Variants in MTRF1L observed in about 807,000 individuals in gnomAD.
MTRF1L encodes mitochondrial translation release factor 1 like, also known as peptide chain release factor 1-like, mitochondrial.
In MTRF1L, 29 loss-of-function variants were observed where a neutral mutation model predicts 40.0. The observed-to-expected ratio is 0.73, with a 90% CI of 0.54 to 0.99. The LOEUF (loss-of-function observed/expected upper bound fraction) is 0.99, where lower values mean the gene tolerates loss of function less well. MTRF1L is among the 50% of genes least tolerant of loss of function. The pLI is 0.00. For missense variants in MTRF1L, 412 were observed against 464.5 expected (o/e 0.89, Z 1.04); for synonymous variants, 150 against 175.8 (o/e 0.85, Z 1.16).
chr6:152,995,217 C>G lies in MTRF1L; in HGVS notation c.442G>C (p.Glu148Gln), dbSNP rs3950124. 1.2e-6 allele frequency: 2 copies of G among 1,609,350 alleles called. No individual in the cohort carries two copies. Among genetic ancestry groups the G allele is most frequent in the Non-Finnish European group, 1.7e-6 (2 of 1,177,208 alleles). ...GGQEAMLFTSEIFDMYQQYAA... is the reference protein window; with the variant it reads ...GGQEAMLFTSQIFDMYQQYAA... ...TATTGCTGATACATATCAAATATCT[C>G]TGATGTAAACAACATTGCCTCCTGA... Residue 148 changes from glutamate to glutamine, a missense_variant, in exon 3 of 7, where the codon GAG becomes CAG. Glu to Gln is a conservative substitution (Grantham distance 29, BLOSUM62 2). Transcript: ENST00000367233.
chr6:152,994,871 T>C (rs913458793), intron 3 of MTRF1L, 195 bp from the exon 4 acceptor site: 11 of 786,822 alleles, frequency 1.4e-5, no homozygotes, highest in Non-Finnish European at 2.0e-5. Flanking sequence ...AAAGCATTTA[T>C]GGGGCTAATC....
intron 5 of MTRF1L, among the ~76,000 whole-genome samples, chr6:152,992,197 A>G (rs992888597): frequency 3.9e-5 from 6 of 152,198 alleles, no homozygotes; most frequent in Admixed American, 2.0e-4. Context: ...AGTCACAGTA[A>G]GAGATTCTTG....
At chr6:152,991,541 C>T (rs1778517471) in intron 5 of MTRF1L, 2 of 381,246 alleles carry the variant, frequency 5.2e-6, no homozygotes, top group South Asian at 6.9e-5. Flanking sequence ...AGCACAAAGT[C>T]TTTCTTTCTT....
At chr6:152,991,383 G>A in intron 5 of MTRF1L, 62 bp from the exon 6 acceptor site, 1 of 1,460,736 alleles carries the variant, frequency 6.8e-7, no homozygotes, top group Non-Finnish European at 9.1e-7. Flanking sequence ...TTATTATCAA[G>A]GAATACTTTT....
chr6:152,991,107 A>C (rs975877149), intron 6 of MTRF1L, 78 bp downstream of exon 6: 17 of 947,694 alleles, frequency 1.8e-5, no homozygotes, highest in South Asian at 1.6e-4. Flanking sequence ...ATATATAAAA[A>C]CCAAGTTATT....
In MTRF1L at chr6:153,002,640, G is replaced by C. The variant is rs1262417767; in HGVS notation, c.46C>G (p.Arg16Gly). The C allele has an allele frequency of 6.6e-7, 1 of 1,523,188 alleles. No homozygotes were observed. Among genetic ancestry groups the C allele is most frequent in the Non-Finnish European group, 8.8e-7 (1 of 1,137,530 alleles). 94.4% of individuals were successfully genotyped at this position (1,523,188 alleles called of 1,614,324 possible). ...CGGCGGGCTGGGCCAACGGCCCGGC[G>C]GGGCCAGAGCCACCGGGCAGCGCCC... ...LWGAARWLWPRRAVGPARRPL... is the reference protein window; with the variant it reads ...LWGAARWLWPGRAVGPARRPL... The change falls in exon 1 of 7, where the codon CGC becomes GGC. Residue 16 changes from arginine (R) to glycine (G), a missense_variant. By Grantham distance (125) the Arg-to-Gly change is moderately radical. Coordinates refer to ENST00000367233, the MANE Select transcript of MTRF1L (RefSeq NM_019041.7).
At chr6:152,995,600 T>C (rs1269609099) in intron 2 of MTRF1L, among the ~76,000 whole-genome samples, 1 of 152,154 alleles carries the variant, frequency 6.6e-6, no homozygotes. Context: ...TTGTATCAGT[T>C]CTCTCTTCAG....
At chr6:152,998,894 T>C (rs1286691804) in intron 1 of MTRF1L, among the ~76,000 whole-genome samples, 1 of 152,154 alleles carries the variant, frequency 6.6e-6, no homozygotes, top group Admixed American at 6.5e-5. Context: ...TATAAAAATA[T>C]AAAGAAGCTA....
Position 152,992,882 on chromosome 6 carries a change from A to T in MTRF1L, c.780T>A (p.Ala260=), listed in dbSNP as rs770192135. The change falls in exon 5 of 7, where the codon GCT becomes GCA. Residue 260 remains alanine, a synonymous_variant. Transcript: ENST00000367233. ...CTGTTGGAAGATGAACTATCCGGACAGCACTGTCCGTGGTATTTACATGCT... is the reference window on the plus strand; with the variant it reads ...CTGTTGGAAGATGAACTATCCGGACTGCACTGTCCGTGGTATTTACATGCT... The part of the protein sequence containing the change: ...GGQHVNTTDS[A]VRIVHLPTGV... 3 of 1,612,192 alleles carry T rather than the reference A, an allele frequency of 1.9e-6. No homozygotes were observed. Among genetic ancestry groups the T allele is most frequent in the Non-Finnish European group, 2.5e-6 (3 of 1,179,940 alleles).
At position 152,991,240 on chromosome 6, in the gene MTRF1L, TAC is replaced by T. The variant is rs1414818771; in HGVS notation, c.885_886del (p.Tyr296GlnfsTer10). Reference sequence around the variant, plus strand: ...TATTTCTTCTTCTAGATGCATGCTGTACAGTTTTGCACGTAACTTTGTCATAG... The same window carrying T: ...TATTTCTTCTTCTAGATGCATGCTGTAGTTTTGCACGTAACTTTGTCATAG... On this transcript the variant is annotated frameshift_variant, in exon 6 of 7. Coordinates refer to ENST00000367233, the MANE Select transcript of MTRF1L (RefSeq NM_019041.7). LOFTEE classifies it high-confidence loss of function. 8 of 1,595,726 alleles carry T rather than the reference TAC, an allele frequency of 5.0e-6. No individual in the cohort carries two copies. The highest frequency in any genetic ancestry group is 1.3e-5 in the African/African-American group (1 of 74,196).
chr6:152,998,804 A>G (rs770109985), intron 1 of MTRF1L, 175 bp from the exon 2 acceptor site: 19 of 379,072 alleles, frequency 5.0e-5, no homozygotes, highest in South Asian at 7.4e-5. Context: ...CTTTCAATCA[A>G]TTTCACCATT....
chr6:152,993,393 A>C (rs1453033844), intron 4 of MTRF1L, among the ~76,000 whole-genome samples: 1 of 148,328 alleles, frequency 6.7e-6, no homozygotes, highest in Non-Finnish European at 1.5e-5. Flanking sequence ...GTTTTGTTTT[A>C]TTTCAAACAT....
At position 153,002,417 on chromosome 6, in the gene MTRF1L, C is replaced by T; in HGVS notation, c.259+10G>A. ...TGCTCTGACGCCTCTCCCCCGGGCC[C>T]GACCCTTACCGTGCAGCAAGTGCTC... On this transcript the variant is annotated intron_variant, in intron 1 of 6. Coordinates refer to ENST00000367233, the MANE Select transcript of MTRF1L (RefSeq NM_019041.7). 5 of 1,613,958 alleles carry T rather than the reference C, an allele frequency of 3.1e-6. No homozygotes were observed. The highest frequency in any genetic ancestry group is 4.2e-6 in the Non-Finnish European group (5 of 1,179,868).
chr6:152,992,770 A>G (rs1452123896), intron 5 of MTRF1L, 87 bp downstream of exon 5: 25 of 952,122 alleles, frequency 2.6e-5, no homozygotes, highest in Non-Finnish European at 4.0e-5. Context: ...TTCTCTGGTA[A>G]CCGAGGATCT....
chr6:152,991,170 A>C lies in MTRF1L; in HGVS notation c.942+15T>G. 1 of 1,459,108 alleles carries C rather than the reference A, an allele frequency of 6.9e-7. No homozygotes were observed. The highest frequency in any genetic ancestry group is 9.2e-7 in the Non-Finnish European group (1 of 1,091,860). The allele number at this position is 1,459,108 out of a possible 1,614,324, so 90.4% of individuals were successfully genotyped here. On this transcript the variant is annotated intron_variant, in intron 6 of 6. Transcript: ENST00000367233. ...TTTCTATCCTTTAAAAGCATTTTTAAAATTCTTTTTTTACCTGAATTTTTC... is the reference window on the plus strand; with the variant it reads ...TTTCTATCCTTTAAAAGCATTTTTACAATTCTTTTTTTACCTGAATTTTTC...
At chr6:152,991,017 C>G (rs984703996) in intron 6 of MTRF1L, among the ~76,000 whole-genome samples, 168 bp downstream of exon 6, 1 of 152,122 alleles carries the variant, frequency 6.6e-6, no homozygotes, top group South Asian at 2.1e-4. Context: ...ATATAGAAAA[C>G]AGGGCAGAGA....
rs1778677443 is a variant in MTRF1L, at chr6:152,995,279, T to C, written c.380A>G (p.Asn127Ser). The C allele has an allele frequency of 6.2e-7, 1 of 1,602,534 alleles. No individual in the cohort carries two copies. The highest frequency in any genetic ancestry group is 8.5e-7 in the Non-Finnish European group (1 of 1,175,248). ...LLVPSEETDE[N>S]DLILEVTAGV... The stretch of plus-strand genomic sequence containing the variant: ...TGCAGTTACTTCCAGGATCAAATCA[T>C]TTTCATCTGTTTCTTCTGAGGGAAC... Residue 127 changes from asparagine to serine, a missense_variant, in exon 3 of 7, where the codon AAT becomes AGT. Physicochemically the swap from Asn to Ser is conservative, Grantham distance 46 (BLOSUM62 1). Coordinates refer to ENST00000367233, the MANE Select transcript of MTRF1L (RefSeq NM_019041.7).
intron 1 of MTRF1L, among the ~76,000 whole-genome samples, chr6:153,000,472 C>T (rs1778872870): frequency 6.6e-6 from 1 of 152,180 alleles, no homozygotes; most frequent in Non-Finnish European, 1.5e-5. Context: ...TTAGGAGTTA[C>T]TCACAGGCAA....
In MTRF1L at chr6:152,998,547, T is replaced by C. The variant is rs375120111; in HGVS notation, c.339+3A>G. 18 of 1,577,208 alleles carry C rather than the reference T, an allele frequency of 1.1e-5. No individual in the cohort carries two copies. Among genetic ancestry groups the C allele is most frequent in the South Asian group, 1.1e-4 (9 of 85,008 alleles). The stretch of plus-strand genomic sequence containing the variant: ...TGCTTTATTCTTTGCAGAAATACCA[T>C]ACCTGATGCTTCAGCTGAGTTATTT... On this transcript the variant is annotated splice_donor_region_variant and intron_variant, in intron 2 of 6. Transcript: ENST00000367233.
Sources: gnomAD v4.1 joint callset for allele counts (sites outside exome capture counted in the v4.1 genomes callset) on GRCh38, gnomAD v4.1.1 for gene constraint, MANE v1.5 for transcripts, NCBI Gene and HGNC (gene_info 2026-07-23, HGNC 2026-07-21) for gene names.